ZFC3H1: variants seen among roughly 807,000 people sequenced by gnomAD.
The protein encoded by ZFC3H1 is zinc finger C3H1 domain-containing protein.
Under a neutral mutation model 243.7 loss-of-function variants are expected in ZFC3H1, and 71 were observed. The observed-to-expected ratio is 0.29, with a 90% CI of 0.24 to 0.36. The LOEUF (loss-of-function observed/expected upper bound fraction) is 0.36. Ranked by LOEUF, ZFC3H1 falls within the 10% of genes least tolerant of loss-of-function variation. The pLI, the probability that ZFC3H1 is intolerant of heterozygous loss-of-function variation, is 1.00. For synonymous variants in ZFC3H1, 838 were observed against 813.0 expected (o/e 1.03, Z -0.52); for missense variants, 1,966 against 2,317.1 (o/e 0.85, Z 3.11).
At chr12:71,634,436 AG>A in intron 11 of ZFC3H1, 132 bp from the exon 12 acceptor site, 1 of 1,159,196 alleles carries the variant, frequency 8.6e-7, no homozygotes. Context: ...CCAATATGCA[AG>A]ACCCAAGTCA....
rs540394862 is a variant in ZFC3H1, at chr12:71,618,366, C to T, written c.5144+949G>A. The stretch of plus-strand genomic sequence containing the variant: ...TTTGGGCTTTAAGATTCTATTTTCG[C>T]TCATCTGTATTTTCTACAAGAAATT... On this transcript the variant is annotated intron_variant, in intron 27 of 34. Transcript: ENST00000378743. Among the ~76,000 whole-genome samples the T allele has an allele frequency of 3.3e-5, 5 of 151,638 alleles. No homozygotes were observed. The South Asian group carries it at 8.3e-4, about 25-fold the overall frequency.
intron 22 of ZFC3H1, 143 bp from the exon 23 acceptor site, chr12:71,624,435 A>G (rs1178806874): frequency 1.2e-6 from 1 of 849,880 alleles, no homozygotes; most frequent in Non-Finnish European, 1.8e-6. Flanking sequence ...GTATAACTCC[A>G]TCTTCTAGTA....
At chr12:71,638,312 G>A in intron 7 of ZFC3H1, 106 bp downstream of exon 7, 20 of 1,066,014 alleles carry the variant, frequency 1.9e-5, no homozygotes, top group Non-Finnish European at 2.6e-5. Flanking sequence ...TTCTTGGTAA[G>A]CAATTCTGAT....
At chr12:71,661,111 G>C (rs1858030864) in intron 1 of ZFC3H1, among the ~76,000 whole-genome samples, 1 of 151,950 alleles carries the variant, frequency 6.6e-6, no homozygotes, top group African/African-American at 2.4e-5. Context: ...AGACCATCCT[G>C]GCTAACATGA....
At chr12:71,643,686 G>A (rs1880657377) in intron 5 of ZFC3H1, among the ~76,000 whole-genome samples, 1 of 152,094 alleles carries the variant, frequency 6.6e-6, no homozygotes, top group Admixed American at 6.5e-5. Context: ...CATGCACTAA[G>A]GTTATTACTA....
chr12:71,641,814 GT>G (rs1880608973), intron 6 of ZFC3H1, among the ~76,000 whole-genome samples: 1 of 152,190 alleles, frequency 6.6e-6, no homozygotes, highest in African/African-American at 2.4e-5. Context: ...TCAAGAGTTT[GT>G]TTTTTTAAAG....
chr12:71,646,356 G>A (rs1880730026), intron 3 of ZFC3H1, among the ~76,000 whole-genome samples: 1 of 152,062 alleles, frequency 6.6e-6, no homozygotes, highest in African/African-American at 2.4e-5. Context: ...GTTCAATATG[G>A]TAGCAATGAG....
chr12:71,659,449 G>C (rs189246005), intron 1 of ZFC3H1, among the ~76,000 whole-genome samples: 60 of 152,108 alleles, frequency 3.9e-4, no homozygotes, highest in African/African-American at 1.4e-3. Flanking sequence ...CAATTCAAGT[G>C]TCACCTCTGT....
chr12:71,624,033 C>A, intron 23 of ZFC3H1, 71 bp downstream of exon 23: 1 of 1,401,286 alleles, frequency 7.1e-7, no homozygotes, highest in African/African-American at 1.4e-5. Context: ...TTAAATAATG[C>A]TATGGATAAC....
intron 27 of ZFC3H1, among the ~76,000 whole-genome samples, chr12:71,617,281 T>C (rs901321971): frequency 1.3e-5 from 2 of 152,234 alleles, no homozygotes; most frequent in African/African-American, 4.8e-5. Context: ...GTCATTCTCC[T>C]AATATCTGAT....
rs778220618 is a variant in ZFC3H1, at chr12:71,657,047, C to T, written c.853G>A (p.Val285Ile). 1 of 1,613,870 alleles carries T rather than the reference C, an allele frequency of 6.2e-7. No individual in the cohort carries two copies. Among genetic ancestry groups the T allele is most frequent in the Non-Finnish European group, 8.5e-7 (1 of 1,179,912 alleles). ...ACTTGTGTTTTCTCCTCAGGAGCTA[C>T]TTCTTTACTTGAATCCTTTGTAATA... is the stretch of plus-strand genomic sequence containing the variant. ...VSITKDSSKE[V>I]APEEKTQVKT... The change falls in exon 2 of 35, where the codon GTA (valine) becomes ATA (isoleucine). Residue 285 changes from valine to isoleucine, a missense_variant. By Grantham distance (29) the Val-to-Ile change is conservative. Coordinates refer to ENST00000378743, the MANE Select transcript of ZFC3H1 (RefSeq NM_144982.5).
At chr12:71,662,944 C>T in intron 1 of ZFC3H1, 69 bp downstream of exon 1, 1 of 1,429,564 alleles carries the variant, frequency 7.0e-7, no homozygotes, top group Non-Finnish European at 9.4e-7. Context: ...ACTCGTCTCA[C>T]AGACCTAGTA....
chr12:71,628,077 G>C (rs1880215700), intron 20 of ZFC3H1, 143 bp from the exon 21 acceptor site: 8 of 790,820 alleles, frequency 1.0e-5, no homozygotes, highest in East Asian at 5.5e-5. Flanking sequence ...CTTTAAGGTA[G>C]AGCTATGACA....
chr12:71,633,217 T>C (rs369524317), intron 13 of ZFC3H1, 47 bp downstream of exon 13: 160 of 1,512,576 alleles, frequency 1.1e-4, no homozygotes, highest in Non-Finnish European at 1.3e-4. Flanking sequence ...ATTTGGCCTA[T>C]AAAAATGTGT....
chr12:71,618,859 A>G (rs951010239), intron 27 of ZFC3H1, among the ~76,000 whole-genome samples: 4 of 152,198 alleles, frequency 2.6e-5, no homozygotes, highest in Non-Finnish European at 4.4e-5. Context: ...GAATCCTCTG[A>G]AACGTCTTAC....
rs1442266079 is a variant in ZFC3H1 at position 71,663,276 on chromosome 12, G to A, written c.335C>T (p.Ser112Phe). 5 of 1,613,460 alleles carry A rather than the reference G, an allele frequency of 3.1e-6. No individual in the cohort carries two copies. The highest frequency in any genetic ancestry group is 4.2e-6 in the Non-Finnish European group (5 of 1,180,048). Residue 112 changes from serine to phenylalanine, a missense_variant, in exon 1 of 35, where the codon TCT (serine) becomes TTT (phenylalanine). This residue lies in a region of ZFC3H1 where 484 missense variants were observed against 449.7 expected (regional missense o/e 1.08). Transcript: ENST00000378743. Reference sequence around the variant, plus strand: ...AGGCATCCGTACAGAAGGCGGATGAGACCGGAACGGTTCTTTGGGTCGGTA... The same window carrying A: ...AGGCATCCGTACAGAAGGCGGATGAAACCGGAACGGTTCTTTGGGTCGGTA... ...SSYRPKEPFR[S>F]HPPSVRMPSS...
chr12:71,620,872 A>G (rs1240003608), intron 24 of ZFC3H1, among the ~76,000 whole-genome samples: 1 of 152,168 alleles, frequency 6.6e-6, no homozygotes, highest in Non-Finnish European at 1.5e-5. Flanking sequence ...TCCTTACCCA[A>G]TGGTACCACA....
intron 2 of ZFC3H1, among the ~76,000 whole-genome samples, chr12:71,651,116 T>C (rs2137556223): frequency 6.6e-6 from 1 of 152,330 alleles, no homozygotes; most frequent in South Asian, 2.1e-4. Context: ...GAGCTCCCAG[T>C]TCAATAGATC....
At chr12:71,636,729 A>G in intron 8 of ZFC3H1, 75 bp from the exon 9 acceptor site, 1 of 1,554,090 alleles carries the variant, frequency 6.4e-7, no homozygotes, top group African/African-American at 1.4e-5. Flanking sequence ...AATCTTGAGC[A>G]TGTTAGAATT....
Sources: allele counts gnomAD v4.1 joint callset (sites outside exome capture counted in the v4.1 genomes callset), GRCh38; gene constraint gnomAD v4.1.1; regional missense constraint gnomAD v4.1.1; transcripts MANE v1.5; gene names NCBI Gene and HGNC (gene_info 2026-07-23, HGNC 2026-07-21).